ARHGEF3: variants seen among roughly 807,000 people sequenced by gnomAD.
The protein encoded by ARHGEF3 is Rho guanine nucleotide exchange factor 3.
In ARHGEF3, 28 loss-of-function variants were observed where a neutral mutation model predicts 63.2. That is an observed-to-expected ratio of 0.44 (90% CI 0.33 to 0.61). The LOEUF is 0.61. Ranked by LOEUF, ARHGEF3 falls within the 20% of genes least tolerant of loss-of-function variation. ARHGEF3 has a pLI of 0.03. For synonymous variants in ARHGEF3, 266 were observed against 254.2 expected (o/e 1.05, Z -0.44); for missense variants, 533 against 659.3 (o/e 0.81, Z 2.10).
chr3:56,741,012 T>C (rs1166623436), intron 7 of ARHGEF3, among the ~76,000 whole-genome samples: 1 of 152,212 alleles, frequency 6.6e-6, no homozygotes, highest in African/African-American at 2.4e-5. Context: ...CTTCTTTTGC[T>C]GGTGTTTGAA....
chr3:56,951,670 T>C (rs955437117), intron 3 of ARHGEF3, among the ~76,000 whole-genome samples: 1 of 152,046 alleles, frequency 6.6e-6, no homozygotes, highest in Admixed American at 6.5e-5. Context: ...TTACTGGTCC[T>C]ATGTATTTTC....
chr3:56,765,655 C>G (rs906108747), intron 2 of ARHGEF3, among the ~76,000 whole-genome samples: 1 of 152,100 alleles, frequency 6.6e-6, no homozygotes, highest in Non-Finnish European at 1.5e-5. Flanking sequence ...AACGCTTCCT[C>G]CCTTTCATCC....
intron 2 of ARHGEF3, among the ~76,000 whole-genome samples, chr3:56,768,465 T>C (rs917182360): frequency 2.0e-5 from 3 of 151,890 alleles, no homozygotes; most frequent in Non-Finnish European, 4.4e-5. Flanking sequence ...AGTTATTTAA[T>C]ATAAAAATAT....
At chr3:56,894,071 A>G (rs2108290035) in intron 3 of ARHGEF3, among the ~76,000 whole-genome samples, 1 of 152,258 alleles carries the variant, frequency 6.6e-6, no homozygotes, top group East Asian at 1.9e-4. Context: ...AAAGCACACA[A>G]ATCAGCTTTC....
At chr3:57,056,754 C>T (rs1000570519) in intron 1 of ARHGEF3, among the ~76,000 whole-genome samples, 2 of 152,108 alleles carry the variant, frequency 1.3e-5, no homozygotes, top group South Asian at 2.1e-4. Context: ...CTCAAACTCC[C>T]GGTCTCTGTT....
chr3:56,804,926 G>C (rs774244978), upstream of ARHGEF3, among the ~76,000 whole-genome samples: 1 of 152,132 alleles, frequency 6.6e-6, no homozygotes, highest in Admixed American at 6.5e-5. Flanking sequence ...TGGCCACCAA[G>C]AACCTGTGCC....
At chr3:56,860,343 A>G (rs2040031602) in intron 4 of ARHGEF3, among the ~76,000 whole-genome samples, 1 of 151,882 alleles carries the variant, frequency 6.6e-6, no homozygotes. Context: ...AACCATGGCC[A>G]GCTGATTTTA....
intron 2 of ARHGEF3, among the ~76,000 whole-genome samples, chr3:57,028,771 G>A (rs1284044253): frequency 6.6e-6 from 1 of 151,574 alleles, no homozygotes; most frequent in Non-Finnish European, 1.5e-5. Context: ...AATATGTGTT[G>A]TTCACTGGGT....
chr3:56,879,178 A>G (rs2040687962), intron 4 of ARHGEF3, among the ~76,000 whole-genome samples: 1 of 152,246 alleles, frequency 6.6e-6, no homozygotes. Context: ...AAAGTACACA[A>G]TAAATGTAAA....
At chr3:57,059,358 C>T (rs1322132637) in intron 1 of ARHGEF3, among the ~76,000 whole-genome samples, 1 of 151,870 alleles carries the variant, frequency 6.6e-6, no homozygotes, top group Non-Finnish European at 1.5e-5. Flanking sequence ...ATAAAATACA[C>T]TAACACTAAC....
chr3:57,065,788 T>C (rs1245577173), intron 1 of ARHGEF3, among the ~76,000 whole-genome samples: 1 of 152,124 alleles, frequency 6.6e-6, no homozygotes, highest in Non-Finnish European at 1.5e-5. Context: ...TCATCCTCAT[T>C]ACGGCTGAGT....
intron 3 of ARHGEF3, among the ~76,000 whole-genome samples, chr3:56,916,687 CA>C (rs2041999714): frequency 6.6e-6 from 1 of 152,212 alleles, no homozygotes; most frequent in African/African-American, 2.4e-5. Context: ...TGAAGCATCC[CA>C]TCGGCTGCAG....
At chr3:56,733,984 C>CAA (rs777924213) in intron 8 of ARHGEF3, among the ~76,000 whole-genome samples, 4,429 of 53,456 alleles carry the variant, frequency 0.083, 194 homozygotes, top group East Asian at 0.22. Context: ...AATTCTGTCT[C>CAA]AAAAAAAAAA....
intron 2 of ARHGEF3, among the ~76,000 whole-genome samples, chr3:56,990,348 C>T (rs576171133): frequency 1.3e-5 from 2 of 152,346 alleles, no homozygotes; most frequent in East Asian, 1.9e-4. Context: ...CTTTGGGAGG[C>T]CAAGGCAGAT....
At chr3:56,850,886 A>AGGTAGGC (rs2039655072) in intron 4 of ARHGEF3, among the ~76,000 whole-genome samples, 2 of 152,196 alleles carry the variant, frequency 1.3e-5, no homozygotes, top group Admixed American at 6.5e-5. Context: ...CAACATTATG[A>AGGTAGGC]GGTAGGCACT....
chr3:56,800,207 T>C (rs901577623), intron 1 of ARHGEF3, among the ~76,000 whole-genome samples: 1 of 152,246 alleles, frequency 6.6e-6, no homozygotes, highest in Non-Finnish European at 1.5e-5. Context: ...TCACTATTCT[T>C]TTCTTTGGCC....
intron 1 of ARHGEF3, chr3:57,079,023 A>G (rs899336218): frequency 3.0e-6 from 1 of 338,650 alleles, no homozygotes. Context: ...GGGAGCGCTC[A>G]GGGCCCGCCG....
Position 56,775,040 on chromosome 3 carries a change from A to G in ARHGEF3, c.97-1224T>C, listed in dbSNP as rs2036218032. On this transcript the variant is annotated intron_variant, in intron 1 of 9. Transcript: ENST00000296315. ...CTCCATCTGACCTGTAGTAGATGCT[A>G]GACAGCACATGAAGATACCAAATTT... The G allele has an allele frequency of 3.9e-6, 6 of 1,551,162 alleles. No homozygotes were observed. In the South Asian group the frequency reaches 6.0e-5, roughly 15 times the overall value.
intron 1 of ARHGEF3, chr3:57,075,085 G>C (rs1201519009): frequency 1.8e-5 from 3 of 167,100 alleles, no homozygotes; most frequent in Admixed American, 1.3e-4. Flanking sequence ...CATATGCATG[G>C]AATGAGGTTG....
Sources: allele counts gnomAD v4.1 joint callset (sites outside exome capture counted in the v4.1 genomes callset), GRCh38; gene constraint gnomAD v4.1.1; transcripts MANE v1.5; gene names NCBI Gene and HGNC (gene_info 2026-07-23, HGNC 2026-07-21).